Variants in ASB2 observed in about 807,000 individuals in gnomAD.
ASB2 encodes ankyrin repeat and SOCS box containing 2.
A neutral mutation model predicts 62.4 loss-of-function variants in ASB2; 58 were observed. That is an observed-to-expected ratio of 0.93 (90% CI 0.75 to 1.16). The LOEUF is 1.16. ASB2 is among the 50% of genes most tolerant of loss of function. ASB2 has a pLI of 0.00. For missense variants in ASB2, 928 were observed against 887.9 expected (o/e 1.05, Z -0.57); for synonymous variants, 386 against 385.3 (o/e 1.00, Z -0.02).
At chr14:93,975,861 T>G (rs1420178485) in intron 1 of ASB2, among the ~76,000 whole-genome samples, 1 of 152,264 alleles carries the variant, frequency 6.6e-6, no homozygotes, top group East Asian at 1.9e-4. Flanking sequence ...ATGCATGGTA[T>G]TCTTGCATCC....
chr14:93,940,300 C>G (rs1888466698), intron 7 of ASB2: 2 of 152,244 alleles, frequency 1.3e-5, no homozygotes, highest in Admixed American at 1.3e-4. Flanking sequence ...ACAATAACCC[C>G]TAAAGCAAGG....
intron 9 of ASB2, among the ~76,000 whole-genome samples, chr14:93,935,001 C>T (rs1888222552): frequency 6.6e-6 from 1 of 152,130 alleles, no homozygotes; most frequent in African/African-American, 2.4e-5. Context: ...CTGCACAGCC[C>T]ACGCAGTGCA....
chr14:93,950,054 G>T (rs1175517041), intron 6 of ASB2, among the ~76,000 whole-genome samples: 1 of 152,182 alleles, frequency 6.6e-6, no homozygotes, highest in Non-Finnish European at 1.5e-5. Flanking sequence ...TCCAGGCTTG[G>T]ACTGTGACCA....
intron 4 of ASB2, 93 bp downstream of exon 4, chr14:93,954,224 T>C (rs1889086344): frequency 2.0e-6 from 2 of 1,005,028 alleles, no homozygotes; most frequent in East Asian, 2.4e-5. Flanking sequence ...TCTCCCAAGA[T>C]GATTGTGGGC....
intron 2 of ASB2, among the ~76,000 whole-genome samples, chr14:93,963,975 G>A (rs920717365): frequency 6.6e-6 from 1 of 152,170 alleles, no homozygotes; most frequent in African/African-American, 2.4e-5. Flanking sequence ...AAGGGAGGCT[G>A]TGTTGTAAGA....
At chr14:93,969,476 T>C (rs1427962185) in intron 1 of ASB2, among the ~76,000 whole-genome samples, 4 of 152,224 alleles carry the variant, frequency 2.6e-5, no homozygotes, top group African/African-American at 9.6e-5. Context: ...ATTCGGGTGA[T>C]GCCTTGCCCC....
intron 1 of ASB2, among the ~76,000 whole-genome samples, chr14:93,973,666 C>T (rs1355073422): frequency 3.3e-5 from 5 of 152,244 alleles, no homozygotes; most frequent in Non-Finnish European, 7.3e-5. Context: ...GTGAAGGGCC[C>T]TTCTGCTGCC....
chr14:93,962,107 CTTTTTTT>C (rs35800977), intron 2 of ASB2, among the ~76,000 whole-genome samples: 8 of 72,998 alleles, frequency 1.1e-4, no homozygotes, highest in South Asian at 6.2e-4. Context: ...ATTAAACATT[CTTTTTTT>C]TTTTTTTTTT....
rs200625102 is a variant in ASB2, at chr14:93,934,581, G to A, written c.*75C>T. The A allele has an allele frequency of 1.3e-3, 1,895 of 1,501,776 alleles. 4 individuals are homozygous for A. In the Middle Eastern group the frequency reaches 0.013, roughly 11 times the overall value. The allele number at this position is 1,501,776 out of a possible 1,614,324, so 93.0% of individuals were successfully genotyped here. A position where few individuals can be genotyped will look rare whatever the true frequency, so the allele number is the denominator to read the frequency against. On this transcript the variant is annotated 3_prime_UTR_variant, in exon 10 of 10. Transcript: ENST00000555019. ...CCTCGTCTGTCACCAGGTCCCCTTG[G>A]AGTTGGGAACACCGACGTCCTGAGA...
In ASB2 at chr14:93,951,034, C is replaced by T. The variant is rs766477509; in HGVS notation, c.845G>A (p.Gly282Glu). 4.8e-5 allele frequency: 78 copies of T among 1,614,004 alleles called. No homozygotes were observed. In the East Asian group the frequency reaches 1.5e-3, roughly 32 times the overall value. The change falls in exon 6 of 10, where the codon GGA becomes GAA. Residue 282 changes from glycine to glutamate, a missense_variant. Gly to Glu is a moderately conservative substitution (Grantham distance 98). Coordinates refer to ENST00000555019, the MANE Select transcript of ASB2 (RefSeq NM_001202429.2). ...ITPLFVAAQSGQLEALRFLAK... is the reference protein window; with the variant it reads ...ITPLFVAAQSEQLEALRFLAK... ...TAAGAACCTCAAGGCCTCCAACTGT[C>T]CACTCTGGGCGGCCACGAACAAGGG...
Position 93,939,250 on chromosome 14 carries a change from A to C in ASB2, c.1475T>G (p.Leu492Arg). Residue 492 changes from leucine (L) to arginine (R), a missense_variant, in exon 8 of 10, where the codon CTC becomes CGC. Physicochemically the swap from Leu to Arg is moderately radical, Grantham distance 102. Transcript: ENST00000555019. ...GCAGCCCAGGTCCATGAGGAACTTG[A>C]GCAGCGACAGGCACTTCATGGCGAA... ...IMFAMKCLSL[L>R]KFLMDLGCDG... is the part of the protein sequence containing the mutation. 2 of 1,609,814 alleles carry C rather than the reference A, an allele frequency of 1.2e-6. No homozygotes were observed. The highest frequency in any genetic ancestry group is 3.3e-5 in the Admixed American group (2 of 59,930).
In ASB2 at chr14:93,956,447, C is replaced by T. The variant is rs75329771; in HGVS notation, c.311+319G>A. On this transcript the variant is annotated intron_variant, in intron 3 of 9. Coordinates refer to ENST00000555019, the MANE Select transcript of ASB2 (RefSeq NM_001202429.2). ...GGTTCTAAGGCCATCTCCCCAATTT[C>T]CCTCGTGCTGGGTCCCCAGTTTCAG... 2.3e-3 allele frequency among the ~76,000 whole-genome samples: 344 copies of T among 152,318 alleles called. 1 individual carries two copies. The highest frequency in any genetic ancestry group is 7.7e-3 in the African/African-American group (322 of 41,580).
At position 93,956,775 on chromosome 14, in the gene ASB2, G is replaced by C. The variant is rs201432422; in HGVS notation, c.302C>G (p.Ser101Cys). Residue 101 changes from serine (S) to cysteine (C), a missense_variant, in exon 3 of 10, where the codon TCC becomes TGC. Physicochemically the swap from Ser to Cys is moderately radical, Grantham distance 112. Transcript: ENST00000555019. ...QKYSSSLFKT[S>C]QLAPADPLIK... Reference sequence around the variant, plus strand: ...GACAGGAGTCACTTACGCCAGCTGGGAGGTCTTGAACAAGCTGCTGCTGTA... The same window carrying C: ...GACAGGAGTCACTTACGCCAGCTGGCAGGTCTTGAACAAGCTGCTGCTGTA... 1 of 1,614,084 alleles carries C rather than the reference G, an allele frequency of 6.2e-7. No homozygotes were observed. The highest frequency in any genetic ancestry group is 1.3e-5 in the African/African-American group (1 of 74,948).
intron 1 of ASB2, among the ~76,000 whole-genome samples, chr14:93,969,501 T>C (rs1889695963): frequency 6.6e-6 from 1 of 152,184 alleles, no homozygotes; most frequent in Non-Finnish European, 1.5e-5. Context: ...TGGACCTCAG[T>C]TTCCCCTTGT....
chr14:93,966,772 C>T (rs1433980057), intron 1 of ASB2, among the ~76,000 whole-genome samples: 1 of 152,020 alleles, frequency 6.6e-6, no homozygotes, highest in Admixed American at 6.5e-5. Context: ...ATGTCAAGGA[C>T]CTGGTTCAGC....
At chr14:93,964,864 G>A (rs577727843) in intron 1 of ASB2, among the ~76,000 whole-genome samples, 3 of 150,692 alleles carry the variant, frequency 2.0e-5, no homozygotes, top group Non-Finnish European at 3.0e-5. Context: ...TCTACCCACC[G>A]AGCTATATAT....
chr14:93,941,553 A>G (rs1427161512), intron 7 of ASB2: 1 of 420,288 alleles, frequency 2.4e-6, no homozygotes, highest in Admixed American at 2.9e-5. Context: ...CCTAATTTCT[A>G]TTTGTGTAGG....
Position 93,964,586 on chromosome 14 carries a change from GA to G in ASB2, c.-48del. 6.6e-7 allele frequency: 1 copy of G among 1,515,414 alleles called. No individual in the cohort carries two copies. The highest frequency in any genetic ancestry group is 1.2e-5 in the South Asian group (1 of 83,682). 93.9% of individuals were successfully genotyped at this position (1,515,414 alleles called of 1,614,324 possible). ...GCCTCCAGAACAGACACCCAGTGGG[GA>G]GGAGGGAACAGCAAATCAGAAAACC... is the stretch of plus-strand genomic sequence containing the variant. On this transcript the variant is annotated 5_prime_UTR_variant, in exon 2 of 10. Transcript: ENST00000555019.
intron 1 of ASB2, among the ~76,000 whole-genome samples, chr14:93,971,790 A>G (rs1245683997): frequency 6.6e-6 from 1 of 152,074 alleles, no homozygotes; most frequent in African/African-American, 2.4e-5. Flanking sequence ...GACAAGGAAG[A>G]GACTAGAGGC....
Sources: allele counts gnomAD v4.1 joint callset (sites outside exome capture counted in the v4.1 genomes callset), GRCh38; gene constraint gnomAD v4.1.1; transcripts MANE v1.5; gene names NCBI Gene and HGNC (gene_info 2026-07-23, HGNC 2026-07-21).